The following SLIT3 variants were observed in gnomAD, a reference collection of about 807,000 sequenced individuals.
The protein encoded by SLIT3 is slit guidance ligand 3.
SLIT3 carries 68 observed loss-of-function variants against 184.0 expected under a neutral mutation model. The observed-to-expected ratio is 0.37, with a 90% CI of 0.30 to 0.45. The LOEUF (loss-of-function observed/expected upper bound fraction) is 0.45, where lower values mean the gene tolerates loss of function less well. Among genes scored for constraint, SLIT3 ranks in the 20% least tolerant of loss-of-function variants. SLIT3 has a pLI of 1.00. For synonymous variants in SLIT3, 831 were observed against 828.6 expected (o/e 1.00, Z -0.05); for missense variants, 1,707 against 2,026.0 (o/e 0.84, Z 3.02).
intron 3 of SLIT3, among the ~76,000 whole-genome samples, chr5:169,233,923 C>T (rs1034642284): frequency 6.6e-6 from 1 of 152,076 alleles, no homozygotes; most frequent in Admixed American, 6.6e-5. Context: ...GAAACGTTTT[C>T]AATATTTCAC....
chr5:169,088,602 C>G (rs1388897977), intron 4 of SLIT3, among the ~76,000 whole-genome samples: 1 of 152,026 alleles, frequency 6.6e-6, no homozygotes, highest in Non-Finnish European at 1.5e-5. Flanking sequence ...ATAATTACAC[C>G]AAAACCATGA....
At chr5:169,008,053 A>C (rs1409239583) in intron 4 of SLIT3, among the ~76,000 whole-genome samples, 1 of 152,242 alleles carries the variant, frequency 6.6e-6, no homozygotes, top group African/African-American at 2.4e-5. Context: ...TTGTTCTGCC[A>C]TGATGTAAGA....
chr5:168,774,126 ACTC>A (rs1755657212), intron 13 of SLIT3, 106 bp downstream of exon 13: 5 of 1,084,606 alleles, frequency 4.6e-6, no homozygotes, highest in Non-Finnish European at 1.3e-6. Flanking sequence ...AGGCTCTAGA[ACTC>A]CTCCTGGATG....
intron 4 of SLIT3, among the ~76,000 whole-genome samples, chr5:168,967,435 A>ATTTTTTTTTTTTTTTT (rs556216624): frequency 1.6e-4 from 5 of 30,772 alleles, no homozygotes; most frequent in East Asian, 1.8e-3. Context: ...GCCATCTCAA[A>ATTTTTTTTTTTTTTTT]TCTTTTTTTT....
At position 168,762,781 on chromosome 5, in the gene SLIT3, G is replaced by A. The variant is rs1261686274; in HGVS notation, c.1460-92C>T. On this transcript the variant is annotated intron_variant, in intron 14 of 35. Coordinates refer to ENST00000519560, the MANE Select transcript of SLIT3 (RefSeq NM_003062.4). ...AGTGGGGGTGGGAGACAGAGATGGG[G>A]GAATGAGTTGGGGGCTGTTAGGGGT... 14 of 1,299,816 alleles carry A rather than the reference G, an allele frequency of 1.1e-5. No homozygotes were observed. In the East Asian group the frequency reaches 3.0e-4, roughly 28 times the overall value. 80.5% of individuals were successfully genotyped at this position (1,299,816 alleles called of 1,614,324 possible). A position where few individuals can be genotyped will look rare whatever the true frequency, so the allele number is the denominator to read the frequency against.
At chr5:168,765,159 C>T (rs576135728) in intron 14 of SLIT3, among the ~76,000 whole-genome samples, 18 of 152,298 alleles carry the variant, frequency 1.2e-4, no homozygotes, top group Middle Eastern at 3.4e-3. Context: ...AGCCTGAAGG[C>T]GTGCACCGGC....
chr5:168,828,646 G>A (rs1163356887), intron 6 of SLIT3, among the ~76,000 whole-genome samples: 3 of 68,430 alleles, frequency 4.4e-5, no homozygotes, highest in Non-Finnish European at 8.6e-5. Context: ...GTGACAGAGT[G>A]AGATCCTGAC....
intron 10 of SLIT3, among the ~76,000 whole-genome samples, chr5:168,793,988 A>T (rs1234057566): frequency 6.6e-6 from 1 of 152,246 alleles, no homozygotes; most frequent in Non-Finnish European, 1.5e-5. Context: ...ATTGCACCAG[A>T]AGAAAAGCTT....
intron 20 of SLIT3, among the ~76,000 whole-genome samples, chr5:168,747,246 C>T (rs1043557466): frequency 6.6e-6 from 1 of 152,174 alleles, no homozygotes; most frequent in Non-Finnish European, 1.5e-5. Context: ...TCTCACTTTG[C>T]GTGTCCTAGC....
intron 4 of SLIT3, among the ~76,000 whole-genome samples, chr5:168,963,479 C>A (rs988389617): frequency 6.6e-6 from 1 of 152,214 alleles, no homozygotes; most frequent in Admixed American, 6.5e-5. Flanking sequence ...ACCTCATGCT[C>A]ATTTCTTTAC....
intron 4 of SLIT3, among the ~76,000 whole-genome samples, chr5:168,989,190 A>T (rs1331296438): frequency 1.3e-5 from 2 of 152,234 alleles, no homozygotes; most frequent in Non-Finnish European, 2.9e-5. Flanking sequence ...GAATATGGTA[A>T]GCATACATCC....
chr5:169,270,849 T>G (rs1766580430), intron 1 of SLIT3, among the ~76,000 whole-genome samples: 1 of 152,210 alleles, frequency 6.6e-6, no homozygotes, highest in Non-Finnish European at 1.5e-5. Context: ...TTTAACTCTC[T>G]GTGCCTCTAT....
intron 4 of SLIT3, among the ~76,000 whole-genome samples, chr5:169,031,172 C>A (rs757664083): frequency 2.0e-5 from 3 of 152,182 alleles, no homozygotes; most frequent in Non-Finnish European, 4.4e-5. Context: ...GCAAGCATTT[C>A]AGACTCCCTG....
At chr5:168,667,544 T>C (rs770344955) in intron 35 of SLIT3, 1 of 152,250 alleles carries the variant, frequency 6.6e-6, no homozygotes, top group Non-Finnish European at 1.5e-5. Flanking sequence ...GCTTAAACAC[T>C]CTGGACCCTG....
chr5:168,867,648 G>C lies in SLIT3; in HGVS notation c.485+15617C>G, dbSNP rs147575269. 2.0e-5 allele frequency among the ~76,000 whole-genome samples: 3 copies of C among 152,318 alleles called. No homozygotes were observed. In the South Asian group the frequency reaches 6.2e-4, roughly 32 times the overall value. On this transcript the variant is annotated intron_variant, in intron 5 of 35. Transcript: ENST00000519560. ...TGTTCAAGTCCAGGAACAGTGCTCT[G>C]CTTTGTACAATTAGCAATGGTCCAT...
chr5:169,271,126 G>A (rs1561779410), intron 1 of SLIT3, among the ~76,000 whole-genome samples: 1 of 152,192 alleles, frequency 6.6e-6, no homozygotes, highest in Non-Finnish European at 1.5e-5. Context: ...GGTCCTGACT[G>A]TAGGTGATAT....
At chr5:168,856,199 C>T (rs963595185) in intron 5 of SLIT3, among the ~76,000 whole-genome samples, 3 of 152,130 alleles carry the variant, frequency 2.0e-5, no homozygotes, top group South Asian at 2.1e-4. Context: ...TACTTTTAAA[C>T]GGTTAGTTCT....
intron 6 of SLIT3, among the ~76,000 whole-genome samples, chr5:168,831,215 G>A (rs1581125810): frequency 6.6e-6 from 1 of 151,928 alleles, no homozygotes; most frequent in Non-Finnish European, 1.5e-5. Flanking sequence ...AGATCTGCCT[G>A]CTCCTTAAGC....
chr5:168,719,312 G>T (rs544189933), intron 23 of SLIT3, among the ~76,000 whole-genome samples: 98 of 152,264 alleles, frequency 6.4e-4, no homozygotes, highest in African/African-American at 2.2e-3. Flanking sequence ...TTGGCCTCCC[G>T]AAGTGCTGGG....
Sources: gnomAD v4.1 joint callset for allele counts (sites outside exome capture counted in the v4.1 genomes callset) on GRCh38, gnomAD v4.1.1 for gene constraint, MANE v1.5 for transcripts, NCBI Gene and HGNC (gene_info 2026-07-23, HGNC 2026-07-21) for gene names.